PCNT: variants seen among roughly 807,000 people sequenced by gnomAD.
PCNT encodes kendrin.
A neutral mutation model predicts 380.4 loss-of-function variants in PCNT; 319 were observed. The observed-to-expected ratio is 0.84, with a 90% CI of 0.77 to 0.92. The LOEUF is 0.92. PCNT is among the 40% of genes least tolerant of loss of function. The pLI is 0.00. For missense variants in PCNT, 4,400 were observed against 4,255.3 expected (o/e 1.03, Z -0.95); for synonymous variants, 1,845 against 1,735.2 (o/e 1.06, Z -1.57).
At chr21:46,419,527 G>A (rs1160179667) in intron 31 of PCNT, among the ~76,000 whole-genome samples, 1 of 152,240 alleles carries the variant, frequency 6.6e-6, no homozygotes, top group African/African-American at 2.4e-5. Context: ...GCCAAGGTTT[G>A]CCCTTAAAGG....
intron 14 of PCNT, among the ~76,000 whole-genome samples, chr21:46,365,222 T>G (rs1488134859): frequency 6.6e-6 from 1 of 151,744 alleles, no homozygotes; most frequent in Non-Finnish European, 1.5e-5. Context: ...TGTGGGGTTC[T>G]GTTCACTGCC....
chr21:46,348,196 T>C (rs2084139322), intron 6 of PCNT: 1 of 167,226 alleles, frequency 6.0e-6, no homozygotes, highest in Non-Finnish European at 1.3e-5. Context: ...AAGTTGCCAT[T>C]GGCCCCTGGG....
At chr21:46,327,012 CAA>C (rs778654986) in intron 2 of PCNT, among the ~76,000 whole-genome samples, 4 of 125,180 alleles carry the variant, frequency 3.2e-5, no homozygotes, top group Admixed American at 1.6e-4. Context: ...GACTCTCTCT[CAA>C]AAAAAAAAAA....
At chr21:46,336,864 C>T (rs955469381) in intron 3 of PCNT, among the ~76,000 whole-genome samples, 14 of 145,712 alleles carry the variant, frequency 9.6e-5, no homozygotes, top group African/African-American at 3.5e-4. Flanking sequence ...AATCCAGCAC[C>T]ACAGAGTTCA....
rs746278020 is a variant in PCNT at position 46,367,097 on chromosome 21, G to T, written c.3123G>T (p.Glu1041Asp). 1 of 1,613,634 alleles carries T rather than the reference G, an allele frequency of 6.2e-7. No homozygotes were observed. The highest frequency in any genetic ancestry group is 1.1e-5 in the South Asian group (1 of 91,080). The change falls in exon 15 of 47, where the codon GAG becomes GAT. Residue 1041 changes from glutamate to aspartate, a missense_variant. Physicochemically the swap from Glu to Asp is conservative, Grantham distance 45. Coordinates refer to ENST00000359568, the MANE Select transcript of PCNT (RefSeq NM_006031.6). The stretch of plus-strand genomic sequence containing the variant: ...ACCTGCGAACCGAAGTGAGCACAGA[G>T]CTCGCCGGAACCGTGGCTCACGAGC... ...RDHLRTEVST[E>D]LAGTVAHELQ...
intron 13 of PCNT, among the ~76,000 whole-genome samples, chr21:46,360,151 C>G (rs1475361774): frequency 1.3e-5 from 2 of 151,078 alleles, no homozygotes; most frequent in African/African-American, 4.9e-5. Flanking sequence ...GCCACTGCAC[C>G]TGGCCTACTT....
Position 46,411,968 on chromosome 21 carries a change from C to T in PCNT, c.5895C>T (p.His1965=), listed in dbSNP as rs766263980. 1.2e-6 allele frequency: 2 copies of T among 1,601,306 alleles called. No individual in the cohort carries two copies. The highest frequency in any genetic ancestry group is 2.2e-5 in the East Asian group (1 of 44,858). The change falls in exon 28 of 47, where the codon CAC becomes CAT. Residue 1965 remains histidine, a synonymous_variant. Coordinates refer to ENST00000359568, the MANE Select transcript of PCNT (RefSeq NM_006031.6). ...CTCACACACGGGTGCCCGGGGCCCA[C>T]CCACAGCCTCGCATGGATGGTGGCG... The part of the protein sequence containing the change: ...ATAHTRVPGA[H]PQPRMDGGAK...
rs779541254 is a variant in PCNT, at chr21:46,442,502, G to A, written c.9629G>A (p.Arg3210His). The change falls in exon 44 of 47, where the codon CGT becomes CAT. Residue 3210 changes from arginine (R) to histidine (H), a missense_variant. Coordinates refer to ENST00000359568, the MANE Select transcript of PCNT (RefSeq NM_006031.6). Reference sequence around the variant, plus strand: ...CTTGTCTCTTTTTTTTGTAGATTACGTTTTTTGGTTAAGAAATGGCAAGAA... The same window carrying A: ...CTTGTCTCTTTTTTTTGTAGATTACATTTTTTGGTTAAGAAATGGCAAGAA... Reference protein sequence around the residue: ...VRVVIAILRLRFLVKKWQEVD... With the variant: ...VRVVIAILRLHFLVKKWQEVD... 5 of 1,604,406 alleles carry A rather than the reference G, an allele frequency of 3.1e-6. No individual in the cohort carries two copies. Among genetic ancestry groups the A allele is most frequent in the Admixed American group, 1.7e-5 (1 of 59,974 alleles).
At chr21:46,409,094 CT>C (rs1182471010) in intron 27 of PCNT, among the ~76,000 whole-genome samples, 2 of 150,130 alleles carry the variant, frequency 1.3e-5, no homozygotes, top group Non-Finnish European at 1.5e-5. Flanking sequence ...CTTTTGAACG[CT>C]TTTTTTTGAT....
chr21:46,355,420 T>C (rs1295272560), intron 11 of PCNT, 32 bp from the exon 12 acceptor site: 1 of 1,610,590 alleles, frequency 6.2e-7, no homozygotes, highest in Admixed American at 1.7e-5. Flanking sequence ...CTTGGCTCAC[T>C]AACGTGCTTG....
chr21:46,428,656 T>G (rs1250809784), intron 35 of PCNT, 66 bp downstream of exon 35: 5 of 1,396,840 alleles, frequency 3.6e-6, no homozygotes, highest in Non-Finnish European at 4.9e-6. Context: ...CACTCACCTG[T>G]GTGGCCTTGG....
chr21:46,440,923 G>T lies in PCNT; in HGVS notation c.9462G>T (p.Lys3154Asn), dbSNP rs1420484724. ...SFRKALIYQK[K>N]YLLLLIGGFQ... ...GAAAAGCTCTGATTTATCAAAAGAA[G>T]TATCTTTTGCTGTTGATTGGTGGAT... Residue 3154 changes from lysine (K) to asparagine (N), a missense_variant, in exon 43 of 47, where the codon AAG (lysine) becomes AAT (asparagine). Coordinates refer to ENST00000359568, the MANE Select transcript of PCNT (RefSeq NM_006031.6). 1 of 1,612,786 alleles carries T rather than the reference G, an allele frequency of 6.2e-7. No homozygotes were observed. The highest frequency in any genetic ancestry group is 1.7e-5 in the Admixed American group (1 of 60,028).
In PCNT at chr21:46,428,468, C is replaced by T. The variant is rs368569999; in HGVS notation, c.7568C>T (p.Ala2523Val). Reference protein sequence around the residue: ...DRSSLLSEIQALRAQLRMTHL... With the variant: ...DRSSLLSEIQVLRAQLRMTHL... ...AGCAGCCTGCTGTCCGAGATCCAGG[C>T]GCTGCGTGCCCAGCTGCGCATGACG... The change falls in exon 35 of 47, where the codon GCG becomes GTG. Residue 2523 changes from alanine to valine, a missense_variant. Transcript: ENST00000359568. 9.7e-5 allele frequency: 157 copies of T among 1,612,356 alleles called. 2 individuals carry two copies. The South Asian group carries it at 1.0e-3, about 11-fold the overall frequency.
chr21:46,442,658 G>T lies in PCNT; in HGVS notation c.9700+85G>T, dbSNP rs1569314566. On this transcript the variant is annotated intron_variant, in intron 44 of 46. Coordinates refer to ENST00000359568, the MANE Select transcript of PCNT (RefSeq NM_006031.6). ...TTCATTCACTTTGGGTCATTTTTCA[G>T]TGTTGATGGGGACGTAATAAAGCAC... The T allele has an allele frequency of 1.5e-5, 13 of 871,534 alleles. No homozygotes were observed. In the South Asian group the frequency reaches 1.6e-4, roughly 11 times the overall value. 54.0% of individuals were successfully genotyped at this position (871,534 alleles called of 1,614,324 possible).
intron 15 of PCNT, among the ~76,000 whole-genome samples, chr21:46,372,159 C>T (rs1392472518): frequency 2.0e-5 from 3 of 149,564 alleles, no homozygotes; most frequent in African/African-American, 7.4e-5. Context: ...CCATACAAGG[C>T]ACACGCACAC....
intron 44 of PCNT, 81 bp from the exon 45 acceptor site, chr21:46,443,729 A>T: frequency 7.3e-7 from 1 of 1,369,192 alleles, no homozygotes; most frequent in Non-Finnish European, 1.0e-6. Flanking sequence ...TTATACGTTT[A>T]AACTGTTGAT....
At chr21:46,405,054 C>T (rs1304901054) in intron 27 of PCNT, among the ~76,000 whole-genome samples, 4 of 152,094 alleles carry the variant, frequency 2.6e-5, no homozygotes, top group Admixed American at 6.6e-5. Context: ...GCCTGGACAA[C>T]GTAATGAGAC....
Position 46,412,085 on chromosome 21 carries a change from G to T in PCNT, c.5994+18G>T. The T allele has an allele frequency of 6.2e-7, 1 of 1,601,896 alleles. No individual in the cohort carries two copies. ...ACCCACAGGTGGGCTCCCCCCGCGG[G>T]CCATGGCAGGGTATTTTTTTTTACT... is the stretch of plus-strand genomic sequence containing the variant. On this transcript the variant is annotated intron_variant, in intron 28 of 46. Coordinates refer to ENST00000359568, the MANE Select transcript of PCNT (RefSeq NM_006031.6).
Position 46,416,789 on chromosome 21 carries a change from TGGGCCGA to T in PCNT, c.6873_6879del (p.Trp2291CysfsTer33). The T allele has an allele frequency of 6.2e-7, 1 of 1,601,760 alleles. No homozygotes were observed. Among genetic ancestry groups the T allele is most frequent in the Non-Finnish European group, 8.5e-7 (1 of 1,179,176 alleles). ...GTCTGCAGCAGCGCTGGCACTGCAG[TGGGCCGA>T]GTCTCCGCCGGCTGACGACCACCAT... is the stretch of plus-strand genomic sequence containing the variant. On this transcript the variant is annotated frameshift_variant, in exon 30 of 47. Coordinates refer to ENST00000359568, the MANE Select transcript of PCNT (RefSeq NM_006031.6). LOFTEE classifies it high-confidence loss of function.
Sources: gnomAD v4.1 joint callset for allele counts (sites outside exome capture counted in the v4.1 genomes callset) on GRCh38, gnomAD v4.1.1 for gene constraint, MANE v1.5 for transcripts, NCBI Gene and HGNC (gene_info 2026-07-23, HGNC 2026-07-21) for gene names.